Variants in PDE1A observed in about 807,000 individuals in gnomAD.
PDE1A encodes the protein phosphodiesterase 1A.
In PDE1A, 35 loss-of-function variants were observed where a neutral mutation model predicts 61.7. The observed-to-expected ratio is 0.57, with a 90% CI of 0.43 to 0.75. The LOEUF is 0.75. Among genes scored for constraint, PDE1A ranks in the 30% least tolerant of loss-of-function variants. PDE1A has a pLI of 0.00. For missense variants in PDE1A, 597 were observed against 630.6 expected (o/e 0.95, Z 0.57); for synonymous variants, 232 against 213.2 (o/e 1.09, Z -0.77).
At chr2:182,364,459 A>T (rs1277617066) in intron 1 of PDE1A, among the ~76,000 whole-genome samples, 1 of 120,834 alleles carries the variant, frequency 8.3e-6, no homozygotes, top group East Asian at 2.3e-4. Flanking sequence ...ATATTAGAAC[A>T]CTTTGGTAAA....
rs529839292 is a variant in PDE1A, at chr2:182,483,588, T to A, written c.101+38688A>T. Among the ~76,000 whole-genome samples, 235 of 152,048 alleles carry A rather than the reference T, an allele frequency of 1.5e-3. 1 individual carries two copies. Among genetic ancestry groups the A allele is most frequent in the Non-Finnish European group, 2.4e-3 (161 of 67,890 alleles). ...AATGGAGTTATAATGGAAATTAGAA[T>A]ACATTTTGAACTTAATAAAAACACA... On this transcript the variant is annotated intron_variant, in intron 2 of 14. Transcript: ENST00000410103.
At chr2:182,314,413 G>C (rs1370508253) in intron 1 of PDE1A, 1 of 152,204 alleles carries the variant, frequency 6.6e-6, no homozygotes, top group African/African-American at 2.4e-5. Flanking sequence ...CCACCAGGTT[G>C]TCTAAGGAGG....
the PDE1A span, among the ~76,000 whole-genome samples, chr2:182,674,894 C>T: frequency 6.6e-6 from 1 of 151,908 alleles, no homozygotes; most frequent in Non-Finnish European, 1.5e-5. Flanking sequence ...AGGCTGCAAC[C>T]CCATGATTTA....
intron 3 of PDE1A, among the ~76,000 whole-genome samples, chr2:182,236,551 GC>G (rs781626995): frequency 3.3e-5 from 5 of 152,166 alleles, no homozygotes; most frequent in Non-Finnish European, 7.3e-5. Context: ...GAGAACACAT[GC>G]TTTGAATCAC....
intron 10 of PDE1A, among the ~76,000 whole-genome samples, chr2:182,199,428 CTAATG>C (rs1686420605): frequency 6.6e-6 from 1 of 151,530 alleles, no homozygotes. Context: ...CATTTTTTTT[CTAATG>C]TAAGTATGTG....
At chr2:182,625,441 T>C in the PDE1A span, among the ~76,000 whole-genome samples, 1 of 152,228 alleles carries the variant, frequency 6.6e-6, no homozygotes, top group Non-Finnish European at 1.5e-5. Context: ...CAAATATTTG[T>C]TGTCTCTTCT....
intron 1 of PDE1A, among the ~76,000 whole-genome samples, chr2:182,296,342 G>C (rs1343833449): frequency 6.6e-6 from 1 of 152,136 alleles, no homozygotes; most frequent in Non-Finnish European, 1.5e-5. Context: ...TGAAGTCAAG[G>C]CACACATTTG....
At chr2:182,261,045 T>C (rs554003741) in intron 2 of PDE1A, among the ~76,000 whole-genome samples, 43 of 152,352 alleles carry the variant, frequency 2.8e-4, no homozygotes, top group South Asian at 1.0e-3. Flanking sequence ...AAATGGTATA[T>C]ATAAAATGCT....
intron 2 of PDE1A, among the ~76,000 whole-genome samples, chr2:182,517,781 G>A (rs923274679): frequency 5.9e-5 from 9 of 152,156 alleles, no homozygotes; most frequent in Non-Finnish European, 1.3e-4. Flanking sequence ...AATGCCCTGA[G>A]CTCTGCAGGA....
intron 2 of PDE1A, among the ~76,000 whole-genome samples, chr2:182,483,203 A>C (rs889156030): frequency 6.6e-6 from 1 of 151,886 alleles, no homozygotes; most frequent in South Asian, 2.1e-4. Flanking sequence ...CAGAATTTAA[A>C]GGCAAAATAG....
chr2:182,381,023 T>C (rs932184816), intron 1 of PDE1A, among the ~76,000 whole-genome samples: 10 of 152,196 alleles, frequency 6.6e-5, no homozygotes, highest in African/African-American at 2.2e-4. Flanking sequence ...TGGTTGTATT[T>C]GAGCCAAAGC....
chr2:182,317,953 TA>T (rs938102720), intron 1 of PDE1A, among the ~76,000 whole-genome samples: 1 of 152,162 alleles, frequency 6.6e-6, no homozygotes, highest in Non-Finnish European at 1.5e-5. Flanking sequence ...TATGATTATC[TA>T]ACTCTGAAAA....
At chr2:182,294,465 T>C (rs951789973) in intron 1 of PDE1A, among the ~76,000 whole-genome samples, 2 of 152,214 alleles carry the variant, frequency 1.3e-5, no homozygotes, top group African/African-American at 4.8e-5. Context: ...GTTGCTTTCA[T>C]ATACAAGATC....
At chr2:182,511,794 C>CT (rs1254188069) in intron 2 of PDE1A, among the ~76,000 whole-genome samples, 11 of 152,168 alleles carry the variant, frequency 7.2e-5, no homozygotes, top group Non-Finnish European at 2.9e-5. Flanking sequence ...AGCACAGATA[C>CT]TGAACTGGGG....
At chr2:182,586,784 T>A in the PDE1A span, among the ~76,000 whole-genome samples, 1 of 152,330 alleles carries the variant, frequency 6.6e-6, no homozygotes, top group East Asian at 1.9e-4. Flanking sequence ...TGACATTTAT[T>A]CATGCATTCA....
intron 1 of PDE1A, among the ~76,000 whole-genome samples, chr2:182,264,742 T>C (rs576802349): frequency 6.6e-6 from 1 of 150,924 alleles, no homozygotes; most frequent in African/African-American, 2.4e-5. Flanking sequence ...TATTCTATGG[T>C]TTTTCTGTTT....
chr2:182,541,022 G>A, the PDE1A span, among the ~76,000 whole-genome samples: 1 of 152,080 alleles, frequency 6.6e-6, no homozygotes, highest in Non-Finnish European at 1.5e-5. Context: ...TATCTTGGAA[G>A]GAGGGAAAGA....
chr2:182,467,690 T>A (rs1268296448), intron 2 of PDE1A, among the ~76,000 whole-genome samples: 1 of 151,958 alleles, frequency 6.6e-6, no homozygotes, highest in African/African-American at 2.4e-5. Flanking sequence ...TAAAAAGGAT[T>A]ATATATCATT....
At chr2:182,713,651 A>C in the PDE1A span, among the ~76,000 whole-genome samples, 1 of 152,170 alleles carries the variant, frequency 6.6e-6, no homozygotes, top group Admixed American at 6.5e-5. Flanking sequence ...TAAATAAATA[A>C]ATAAATGAAC....
Sources: allele counts gnomAD v4.1 joint callset (sites outside exome capture counted in the v4.1 genomes callset), GRCh38; gene constraint gnomAD v4.1.1; transcripts MANE v1.5; gene names NCBI Gene and HGNC (gene_info 2026-07-23, HGNC 2026-07-21).